Variants in ANO10 observed in about 807,000 individuals in gnomAD.
ANO10 encodes the protein anoctamin 10.
A neutral mutation model predicts 74.7 loss-of-function variants in ANO10; 77 were observed. The observed-to-expected ratio is 1.03, with a 90% confidence interval of 0.86 to 1.25. ANO10 has a LOEUF of 1.25. Among genes scored for constraint, ANO10 ranks in the 50% most tolerant of loss-of-function variants. ANO10 has a pLI of 0.00. For missense variants in ANO10, 721 were observed against 778.1 expected (o/e 0.93, Z 0.87); for synonymous variants, 279 against 284.9 (o/e 0.98, Z 0.21).
intron 7 of ANO10, among the ~76,000 whole-genome samples, chr3:43,571,168 TA>T (rs2080690868): frequency 6.7e-6 from 1 of 150,266 alleles, no homozygotes; most frequent in Non-Finnish European, 1.5e-5. Context: ...TGGCAATCAT[TA>T]AAAAGTCAGG....
chr3:43,397,956 G>A (rs1456535187), intron 12 of ANO10, among the ~76,000 whole-genome samples: 1 of 152,148 alleles, frequency 6.6e-6, no homozygotes, highest in Non-Finnish European at 1.5e-5. Context: ...GGCATGAAGG[G>A]GTTTGGTCCC....
intron 11 of ANO10, among the ~76,000 whole-genome samples, chr3:43,542,767 T>C (rs1265095222): frequency 6.6e-6 from 1 of 152,190 alleles, no homozygotes; most frequent in Non-Finnish European, 1.5e-5. Context: ...ATAATAAAGA[T>C]AACGAAAGTT....
At chr3:43,549,958 ACATTC>A (rs1192276302) in intron 10 of ANO10, 110 bp from the exon 11 acceptor site, 1 of 1,258,798 alleles carries the variant, frequency 7.9e-7, no homozygotes, top group Non-Finnish European at 1.1e-6. Context: ...CTAGTTCTAA[ACATTC>A]CAAGTACATT....
intron 2 of ANO10, among the ~76,000 whole-genome samples, chr3:43,604,104 T>G (rs541055558): frequency 2.0e-5 from 3 of 152,146 alleles, no homozygotes; most frequent in Non-Finnish European, 4.4e-5. Context: ...AATTGGCATA[T>G]AATAATAGTA....
At chr3:43,434,425 G>C (rs2093036676) in intron 11 of ANO10, among the ~76,000 whole-genome samples, 1 of 152,170 alleles carries the variant, frequency 6.6e-6, no homozygotes, top group Non-Finnish European at 1.5e-5. Context: ...CATTCCATTA[G>C]AGTACTGAGA....
chr3:43,593,987 A>T (rs949842329), intron 4 of ANO10, among the ~76,000 whole-genome samples: 7 of 152,200 alleles, frequency 4.6e-5, no homozygotes, highest in African/African-American at 1.7e-4. Context: ...CAGACTTTAA[A>T]CCAACAAAGA....
intron 11 of ANO10, among the ~76,000 whole-genome samples, chr3:43,477,154 A>ACTTTCATT (rs1559589371): frequency 1.2e-4 from 18 of 152,210 alleles, no homozygotes; most frequent in African/African-American, 4.3e-4. Flanking sequence ...CAAATAGAGA[A>ACTTTCATT]ATCTTTCATT....
chr3:43,690,644 A>C (rs1057118103), intron 1 of ANO10: 3 of 272,598 alleles, frequency 1.1e-5, no homozygotes, highest in African/African-American at 6.6e-5. Context: ...CCTGACAGCC[A>C]ACACCGACGG....
intron 11 of ANO10, among the ~76,000 whole-genome samples, chr3:43,450,414 A>G (rs1372445947): frequency 6.6e-6 from 1 of 152,040 alleles, no homozygotes; most frequent in Non-Finnish European, 1.5e-5. Context: ...GGTGGCGGAC[A>G]CCTGTAATCC....
At chr3:43,553,379 T>C (rs1345442698) in intron 10 of ANO10, among the ~76,000 whole-genome samples, 1 of 152,186 alleles carries the variant, frequency 6.6e-6, no homozygotes, top group Non-Finnish European at 1.5e-5. Flanking sequence ...TTAGCCGTTA[T>C]TTATTCAAGT....
At chr3:43,401,106 G>A (rs191580406) in intron 12 of ANO10, among the ~76,000 whole-genome samples, 4 of 152,190 alleles carry the variant, frequency 2.6e-5, no homozygotes, top group Admixed American at 2.0e-4. Context: ...GAGAGACTTC[G>A]CTTTTTCCTT....
intron 11 of ANO10, among the ~76,000 whole-genome samples, chr3:43,498,534 A>C (rs1023045099): frequency 2.6e-5 from 4 of 152,162 alleles, no homozygotes; most frequent in African/African-American, 4.8e-5. Flanking sequence ...TATGGAGGGA[A>C]GAGTAGGGAA....
intron 11 of ANO10, among the ~76,000 whole-genome samples, chr3:43,490,618 C>A (rs1009346901): frequency 1.1e-4 from 16 of 152,176 alleles, no homozygotes; most frequent in Non-Finnish European, 1.8e-4. Flanking sequence ...CTAATTCATT[C>A]TAAAAAGCCG....
At chr3:43,556,909 G>T (rs1469978394) in intron 9 of ANO10, among the ~76,000 whole-genome samples, 1 of 152,070 alleles carries the variant, frequency 6.6e-6, no homozygotes, top group Non-Finnish European at 1.5e-5. Context: ...AAAGAAAATG[G>T]TCATTATTTA....
At chr3:43,420,240 G>GT (rs1478210114) in intron 12 of ANO10, among the ~76,000 whole-genome samples, 1 of 152,160 alleles carries the variant, frequency 6.6e-6, no homozygotes. Flanking sequence ...GAGCCCAGGA[G>GT]TTTGAGACCA....
In ANO10 at chr3:43,555,277, C is replaced by T; in HGVS notation, c.1668+1G>A. ...GAATAATTTTTTTCTCAAACAATTA[C>T]CTGCCACACACCAATATTGGCTGAA... On this transcript the variant is annotated splice_donor_variant, in intron 10 of 12. Coordinates refer to ENST00000292246, the MANE Select transcript of ANO10 (RefSeq NM_018075.5). LOFTEE classifies it high-confidence loss of function. 2 of 1,613,670 alleles carry T rather than the reference C, an allele frequency of 1.2e-6. No homozygotes were observed. The highest frequency in any genetic ancestry group is 1.3e-5 in the African/African-American group (1 of 74,946).
At chr3:43,433,195 C>A (rs577225230) in intron 11 of ANO10, among the ~76,000 whole-genome samples, 120 of 151,996 alleles carry the variant, frequency 7.9e-4, no homozygotes, top group Non-Finnish European at 1.6e-3. Context: ...GATCCACCCA[C>A]CTTGGCCTCC....
chr3:43,439,381 C>T (rs190998005), intron 11 of ANO10, among the ~76,000 whole-genome samples: 1 of 149,790 alleles, frequency 6.7e-6, no homozygotes, highest in African/African-American at 2.5e-5. Context: ...ACACATAATG[C>T]TACAGGCATT....
At chr3:43,687,578 A>G (rs1478229321) in intron 1 of ANO10, among the ~76,000 whole-genome samples, 1 of 152,210 alleles carries the variant, frequency 6.6e-6, no homozygotes, top group Non-Finnish European at 1.5e-5. Flanking sequence ...GAACATGCAG[A>G]GCAAGCTCTG....
Sources: gnomAD v4.1 joint callset for allele counts (sites outside exome capture counted in the v4.1 genomes callset) on GRCh38, gnomAD v4.1.1 for gene constraint, MANE v1.5 for transcripts, NCBI Gene and HGNC (gene_info 2026-07-23, HGNC 2026-07-21) for gene names.